FER: variants seen among roughly 807,000 people sequenced by gnomAD.
FER encodes the protein tyrosine-protein kinase Fer.
In FER, 63 loss-of-function variants were observed where a neutral mutation model predicts 111.0. The observed-to-expected ratio is 0.57, with a 90% CI of 0.46 to 0.70. The LOEUF (loss-of-function observed/expected upper bound fraction) is 0.70, where lower values mean the gene tolerates loss of function less well. FER is among the 30% of genes least tolerant of loss of function. The pLI is 0.00. For missense variants in FER, 914 were observed against 954.0 expected (o/e 0.96, Z 0.55); for synonymous variants, 327 against 313.9 (o/e 1.04, Z -0.44).
Position 109,030,314 on chromosome 5 carries a change from G to T in FER, c.1657-7108G>T, listed in dbSNP as rs79425463. 7.2e-5 allele frequency among the ~76,000 whole-genome samples: 11 copies of T among 152,130 alleles called. No individual in the cohort carries two copies. The East Asian group carries it at 2.1e-3, about 29-fold the overall frequency. On this transcript the variant is annotated intron_variant, in intron 13 of 19. Coordinates refer to ENST00000281092, the MANE Select transcript of FER (RefSeq NM_005246.4). ...CCAACATCAGATCCATCCCACTGTT[G>T]GTTGACTGTCTTTTCTCATTCAGAT...
chr5:109,181,521 G>GA (rs546616465), intron 18 of FER, among the ~76,000 whole-genome samples: 5 of 150,218 alleles, frequency 3.3e-5, no homozygotes, highest in South Asian at 4.2e-4. Flanking sequence ...GAATTTAAGA[G>GA]AAAAAAAAAG....
intron 17 of FER, among the ~76,000 whole-genome samples, chr5:109,106,266 A>G (rs562638401): frequency 1.3e-5 from 2 of 152,366 alleles, no homozygotes; most frequent in African/African-American, 4.8e-5. Context: ...TAGAAAGACA[A>G]ACCAAGATGT....
chr5:109,191,529 C>T lies in FER; in HGVS notation c.*3954C>T, dbSNP rs1280741175. The T allele has an allele frequency of 6.6e-6, 1 of 151,996 alleles. No individual in the cohort carries two copies. Among genetic ancestry groups the T allele is most frequent in the Non-Finnish European group, 1.5e-5 (1 of 67,968 alleles). 9.4% of individuals were successfully genotyped at this position (151,996 alleles called of 1,614,324 possible). On this transcript the variant is annotated 3_prime_UTR_variant, in exon 20 of 20. Transcript: ENST00000281092. ...CACCCTCCCACAAAACAGAACAGTG[C>T]AAAATAAGCAGCAGAGAGACAGACA...
intron 12 of FER, among the ~76,000 whole-genome samples, chr5:108,958,179 A>G (rs1758680521): frequency 6.6e-6 from 1 of 151,778 alleles, no homozygotes; most frequent in South Asian, 2.1e-4. Context: ...TGATACATTC[A>G]ATCTTTTTTA....
intron 17 of FER, among the ~76,000 whole-genome samples, chr5:109,160,861 G>C (rs1280178199): frequency 6.6e-6 from 1 of 152,142 alleles, no homozygotes. Context: ...GATGAAAATA[G>C]ACCTCTAGTA....
chr5:109,183,110 T>C (rs1015052333), intron 18 of FER, among the ~76,000 whole-genome samples: 4 of 152,150 alleles, frequency 2.6e-5, no homozygotes, highest in East Asian at 1.9e-4. Flanking sequence ...GATTTTGATA[T>C]AGGAGACGTT....
intron 3 of FER, among the ~76,000 whole-genome samples, chr5:108,807,700 A>G (rs947687601): frequency 5.3e-5 from 8 of 152,112 alleles, no homozygotes; most frequent in East Asian, 1.9e-4. Flanking sequence ...TCTTCTAGGT[A>G]TAGTATTAGA....
intron 13 of FER, among the ~76,000 whole-genome samples, chr5:109,012,023 C>T (rs1195339270): frequency 6.6e-6 from 1 of 152,204 alleles, no homozygotes; most frequent in Non-Finnish European, 1.5e-5. Flanking sequence ...TACTTCTCTA[C>T]TGTGCAGCCA....
At chr5:108,954,967 A>G (rs763747242) in intron 12 of FER, 35 bp downstream of exon 12, 5 of 1,538,972 alleles carry the variant, frequency 3.2e-6, no homozygotes, top group East Asian at 2.3e-5. Context: ...GTATATTTTG[A>G]TGTAGTTCAT....
chr5:108,996,452 A>G (rs757681442), intron 13 of FER, among the ~76,000 whole-genome samples: 3 of 152,204 alleles, frequency 2.0e-5, no homozygotes, highest in African/African-American at 4.8e-5. Context: ...GGTGTAAGGA[A>G]GGGGTCCAGT....
intron 13 of FER, among the ~76,000 whole-genome samples, chr5:109,009,079 A>C (rs1456568120): frequency 8.4e-6 from 1 of 118,834 alleles, no homozygotes; most frequent in African/African-American, 3.4e-5. Context: ...ACGGAGTCTC[A>C]CTCTGTTGTC....
Position 108,832,806 on chromosome 5 carries a change from A to AG in FER, c.245dup (p.Ser82ArgfsTer2). 1 of 1,576,730 alleles carries AG rather than the reference A, an allele frequency of 6.3e-7. No individual in the cohort carries two copies. Among genetic ancestry groups the AG allele is most frequent in the Non-Finnish European group, 8.6e-7 (1 of 1,162,438 alleles). On this transcript the variant is annotated frameshift_variant, in exon 4 of 20. Transcript: ENST00000281092. LOFTEE classifies it high-confidence loss of function. ...TATGATTCAGCAGACAGAACAACTT[A>AG]GTAGGATAATGAAGACACATGCAGA...
chr5:109,011,151 G>C (rs72790524), intron 13 of FER, among the ~76,000 whole-genome samples: 14,836 of 147,984 alleles, frequency 0.1, 914 homozygotes, highest in Non-Finnish European at 0.14. Flanking sequence ...GTTTTTATCT[G>C]TTTTTTTCAA....
intron 17 of FER, among the ~76,000 whole-genome samples, chr5:109,145,984 T>C (rs1754053911): frequency 6.6e-6 from 1 of 151,158 alleles, no homozygotes; most frequent in South Asian, 2.1e-4. Context: ...GATAGAAACT[T>C]AGGTGATTTA....
chr5:108,847,613 C>T lies in FER; in HGVS notation c.481+11806C>T, dbSNP rs572035102. On this transcript the variant is annotated intron_variant, in intron 5 of 19. Coordinates refer to ENST00000281092, the MANE Select transcript of FER (RefSeq NM_005246.4). ...GTTATTGATGGAAGGATATTGAAAT[C>T]GCCAACCATAATTGTGGATTTGTGT... is the stretch of plus-strand genomic sequence containing the variant. 5.3e-5 allele frequency among the ~76,000 whole-genome samples: 8 copies of T among 152,148 alleles called. No homozygotes were observed. The East Asian group carries it at 9.7e-4, about 18-fold the overall frequency.
At chr5:109,125,720 C>G (rs979028312) in intron 17 of FER, among the ~76,000 whole-genome samples, 3 of 152,170 alleles carry the variant, frequency 2.0e-5, no homozygotes, top group African/African-American at 7.2e-5. Flanking sequence ...GATTTTTTCT[C>G]TCTCTCTTCA....
At chr5:108,904,371 A>T (rs77148233) in intron 10 of FER, among the ~76,000 whole-genome samples, 2 of 152,206 alleles carry the variant, frequency 1.3e-5, no homozygotes, top group South Asian at 2.1e-4. Context: ...CCATTTGTGC[A>T]GATATCTGGA....
chr5:108,975,319 A>G (rs552974536), intron 13 of FER, among the ~76,000 whole-genome samples: 2 of 152,274 alleles, frequency 1.3e-5, no homozygotes, highest in South Asian at 2.1e-4. Flanking sequence ...TAAAACGTAG[A>G]TGATGGGTCA....
intron 10 of FER, among the ~76,000 whole-genome samples, chr5:108,936,993 G>A (rs1250876028): frequency 6.6e-6 from 1 of 151,908 alleles, no homozygotes; most frequent in African/African-American, 2.4e-5. Flanking sequence ...TAATTGGAAT[G>A]ACTTGGGTTA....
Sources: gnomAD v4.1 joint callset for allele counts (sites outside exome capture counted in the v4.1 genomes callset) on GRCh38, gnomAD v4.1.1 for gene constraint, MANE v1.5 for transcripts, NCBI Gene and HGNC (gene_info 2026-07-23, HGNC 2026-07-21) for gene names.